CDH18: variants seen among roughly 807,000 people sequenced by gnomAD.
CDH18 encodes the protein cadherin-18.
CDH18 carries 31 observed loss-of-function variants against 67.9 expected under a neutral mutation model. The ratio of observed to expected loss-of-function variants is 0.46; its 90% confidence interval spans 0.34 to 0.62. The LOEUF (loss-of-function observed/expected upper bound fraction) is 0.62, where lower values mean the gene tolerates loss of function less well. Ranked by LOEUF, CDH18 falls within the 20% of genes least tolerant of loss-of-function variation. The pLI is 0.01. For missense variants in CDH18, 890 were observed against 975.5 expected, an observed-to-expected ratio of 0.91 and a Z score of 1.17; for synonymous variants, 362 against 347.2, an observed-to-expected ratio of 1.04 and a Z score of -0.48.
intron 1 of CDH18, among the ~76,000 whole-genome samples, chr5:20,533,921 AC>A (rs1756561380): frequency 6.6e-6 from 1 of 152,054 alleles, no homozygotes; most frequent in African/African-American, 2.4e-5. Context: ...CGATATTGTT[AC>A]TTTAAAATGT....
chr5:19,864,213 T>C (rs1459474870), intron 2 of CDH18, among the ~76,000 whole-genome samples: 1 of 149,858 alleles, frequency 6.7e-6, no homozygotes, highest in East Asian at 2.0e-4. Flanking sequence ...AAATGATGAG[T>C]TCATGTCCTT....
At chr5:19,866,155 C>T (rs1785465255) in intron 2 of CDH18, among the ~76,000 whole-genome samples, 1 of 152,320 alleles carries the variant, frequency 6.6e-6, no homozygotes, top group Non-Finnish European at 1.5e-5. Flanking sequence ...TCTTAAAACA[C>T]ATGAAGCATT....
chr5:20,492,808 T>C (rs987545762), intron 1 of CDH18, among the ~76,000 whole-genome samples: 4 of 152,186 alleles, frequency 2.6e-5, no homozygotes, highest in African/African-American at 9.7e-5. Flanking sequence ...CTTTCAGATG[T>C]TTTGCAGAGA....
chr5:20,134,763 T>A (rs1242269872), intron 2 of CDH18, among the ~76,000 whole-genome samples: 1 of 152,174 alleles, frequency 6.6e-6, no homozygotes, highest in African/African-American at 2.4e-5. Context: ...TCCTTTTGAC[T>A]TTGGTCTTTC....
intron 2 of CDH18, among the ~76,000 whole-genome samples, chr5:20,024,400 TC>T (rs886794822): frequency 1.3e-5 from 2 of 152,100 alleles, no homozygotes; most frequent in Non-Finnish European, 2.9e-5. Context: ...GTATAAAATC[TC>T]CTTTGAGACC....
intron 1 of CDH18, among the ~76,000 whole-genome samples, chr5:20,309,058 T>C (rs916549791): frequency 3.9e-5 from 6 of 152,210 alleles, no homozygotes; most frequent in Admixed American, 2.0e-4. Flanking sequence ...GGAATTATAA[T>C]AAGAAAACTA....
chr5:19,845,702 T>C (rs943797508), intron 2 of CDH18, among the ~76,000 whole-genome samples: 3 of 151,844 alleles, frequency 2.0e-5, no homozygotes, highest in African/African-American at 7.3e-5. Context: ...GGTGCATATA[T>C]ATTTATAATT....
chr5:19,632,888 C>T (rs1561508720), intron 5 of CDH18, among the ~76,000 whole-genome samples: 1 of 152,056 alleles, frequency 6.6e-6, no homozygotes, highest in Admixed American at 6.6e-5. Context: ...AGCATCACCC[C>T]ATGCTCTTGT....
chr5:20,170,231 T>A (rs1440151587), intron 2 of CDH18, among the ~76,000 whole-genome samples: 1 of 150,784 alleles, frequency 6.6e-6, no homozygotes, highest in Non-Finnish European at 1.5e-5. Context: ...CCTGTATCAA[T>A]GTGTTCTCAT....
chr5:20,275,043 A>T (rs1272451991), intron 1 of CDH18, among the ~76,000 whole-genome samples: 1 of 152,166 alleles, frequency 6.6e-6, no homozygotes, highest in Non-Finnish European at 1.5e-5. Context: ...GCCAATAAGT[A>T]GTAGACAAGA....
intron 1 of CDH18, among the ~76,000 whole-genome samples, chr5:20,300,303 C>T (rs73764935): frequency 0.081 from 12,084 of 148,474 alleles, 996 homozygotes; most frequent in African/African-American, 0.21. Context: ...TGTGTGTGTG[C>T]GTGTGTGTGT....
rs1189257278 is a variant in CDH18 at position 20,279,699 on chromosome 5, C to CAAAAAAAAAAAAAAAAAAAAAA, written c.-579-24216_-579-24195dup. Among the ~76,000 whole-genome samples, 21 of 13,600 alleles carry CAAAAAAAAAAAAAAAAAAAAAA rather than the reference C, an allele frequency of 1.5e-3. 3 individuals carry two copies. Among genetic ancestry groups the CAAAAAAAAAAAAAAAAAAAAAA allele is most frequent in the Non-Finnish European group, 1.8e-3 (14 of 7,820 alleles). The allele number at this position is 13,600 out of a possible 152,430, so 8.9% of individuals were successfully genotyped here. A position where few individuals can be genotyped will look rare whatever the true frequency, so the allele number is the denominator to read the frequency against. ...GGGTGACAAAAGAGAAGCTCTGTCTCAAAAAAAAAAAAAAAAAAAAAAAAA... is the reference window on the plus strand; with the variant it reads ...GGGTGACAAAAGAGAAGCTCTGTCTCAAAAAAAAAAAAAAAAAAAAAAAAAAAAAAAAAAAAAAAAAAAAAAA... On this transcript the variant is annotated intron_variant, in intron 1 of 14. Coordinates refer to the CDH18 transcript ENST00000507958.
At chr5:20,262,156 A>G (rs1193257880) in intron 1 of CDH18, among the ~76,000 whole-genome samples, 1 of 152,152 alleles carries the variant, frequency 6.6e-6, no homozygotes, top group Admixed American at 6.5e-5. Flanking sequence ...TTGTAAGCCA[A>G]TTTTGTTATA....
intron 1 of CDH18, among the ~76,000 whole-genome samples, chr5:20,503,319 C>T (rs1754454989): frequency 6.6e-6 from 1 of 151,470 alleles, no homozygotes; most frequent in Non-Finnish European, 1.5e-5. Context: ...ACTAAACCCA[C>T]TAATTGAGGC....
intron 1 of CDH18, among the ~76,000 whole-genome samples, chr5:20,270,852 G>A (rs1338703495): frequency 6.6e-6 from 1 of 152,016 alleles, no homozygotes; most frequent in Non-Finnish European, 1.5e-5. Flanking sequence ...GGAGTTGGAG[G>A]CCATTATCCT....
intron 2 of CDH18, among the ~76,000 whole-genome samples, chr5:19,840,267 TCC>T (rs1199598546): frequency 1.0e-5 from 1 of 97,962 alleles, no homozygotes; most frequent in African/African-American, 3.9e-5. Flanking sequence ...AGAGTGGGAC[TCC>T]GTCTCAAAAA....
intron 1 of CDH18, among the ~76,000 whole-genome samples, chr5:20,356,276 G>T (rs1741599672): frequency 6.6e-6 from 1 of 152,130 alleles, no homozygotes; most frequent in Admixed American, 6.6e-5. Flanking sequence ...CCAGCTACTT[G>T]GGAGGCTGAG....
chr5:19,829,769 T>C (rs1780814225), intron 3 of CDH18, among the ~76,000 whole-genome samples: 1 of 151,756 alleles, frequency 6.6e-6, no homozygotes, highest in Admixed American at 6.6e-5. Context: ...AGGCATCATG[T>C]CACTCAACTT....
At chr5:19,584,487 T>TA (rs147148225) in intron 7 of CDH18, among the ~76,000 whole-genome samples, 5,077 of 152,214 alleles carry the variant, frequency 0.033, 272 homozygotes, top group African/African-American at 0.11. Context: ...TCTTGAAGGT[T>TA]AAAATCCACT....
Sources: allele counts gnomAD v4.1 joint callset (sites outside exome capture counted in the v4.1 genomes callset), GRCh38; gene constraint gnomAD v4.1.1; transcripts MANE v1.5; gene names NCBI Gene and HGNC (gene_info 2026-07-23, HGNC 2026-07-21).